Variants in ARHGAP44 observed in about 807,000 individuals in gnomAD.
The protein encoded by ARHGAP44 is rho GTPase-activating protein 44.
Under a neutral mutation model 106.8 loss-of-function variants are expected in ARHGAP44, and 43 were observed. The ratio of observed to expected loss-of-function variants is 0.40; its 90% CI spans 0.32 to 0.52. The LOEUF (loss-of-function observed/expected upper bound fraction) is 0.52, where lower values mean the gene tolerates loss of function less well. Ranked by LOEUF, ARHGAP44 falls within the 20% of genes least tolerant of loss-of-function variation. The pLI, the probability that ARHGAP44 is intolerant of heterozygous loss-of-function variation, is 0.48. For synonymous variants in ARHGAP44, 439 were observed against 410.3 expected (o/e 1.07, Z -0.85); for missense variants, 866 against 1,050.5 (o/e 0.82, Z 2.43).
intron 17 of ARHGAP44, 23 bp from the exon 18 acceptor site, chr17:12,974,065 CG>C: frequency 6.5e-7 from 1 of 1,550,278 alleles, no homozygotes; most frequent in Non-Finnish European, 8.7e-7. Context: ...CGTGGGTAAG[CG>C]GTGTCTTTGT....
At chr17:12,837,776 C>T (rs1312874823) in intron 1 of ARHGAP44, among the ~76,000 whole-genome samples, 3 of 151,904 alleles carry the variant, frequency 2.0e-5, no homozygotes, top group Non-Finnish European at 2.9e-5. Context: ...GGGTAAATAA[C>T]GTTATTATAC....
intron 16 of ARHGAP44, among the ~76,000 whole-genome samples, chr17:12,961,095 C>G (rs1225220271): frequency 6.6e-6 from 1 of 152,134 alleles, no homozygotes. Context: ...AAGTGTGCCC[C>G]TCCATCCCTC....
At chr17:12,898,421 T>C (rs762905512) in intron 3 of ARHGAP44, among the ~76,000 whole-genome samples, 3 of 152,204 alleles carry the variant, frequency 2.0e-5, no homozygotes, top group Non-Finnish European at 2.9e-5. Flanking sequence ...GGGCCCAAGA[T>C]GTTGTCAGAG....
chr17:12,864,291 T>C (rs1447257934), intron 1 of ARHGAP44, among the ~76,000 whole-genome samples: 1 of 152,180 alleles, frequency 6.6e-6, no homozygotes, highest in Non-Finnish European at 1.5e-5. Context: ...TGATTTTTCT[T>C]TTCTTGTCTT....
At chr17:12,827,229 G>A (rs2034947073) in intron 1 of ARHGAP44, among the ~76,000 whole-genome samples, 1 of 151,722 alleles carries the variant, frequency 6.6e-6, no homozygotes, top group South Asian at 2.1e-4. Context: ...TGTTGTTTTG[G>A]TTATTTTAAT....
intron 1 of ARHGAP44, among the ~76,000 whole-genome samples, chr17:12,822,623 C>G (rs2034803858): frequency 2.0e-5 from 3 of 152,176 alleles, no homozygotes; most frequent in South Asian, 4.1e-4. Context: ...AGAATTGTTT[C>G]ATCACTTTAG....
At chr17:12,835,237 A>G (rs1352832588) in intron 1 of ARHGAP44, among the ~76,000 whole-genome samples, 1 of 152,190 alleles carries the variant, frequency 6.6e-6, no homozygotes, top group Non-Finnish European at 1.5e-5. Context: ...GTTAGTGTGA[A>G]TTTTAATTGA....
chr17:12,938,940 AGATGTTGAAGGTGTATTT>A (rs142569773), intron 7 of ARHGAP44, among the ~76,000 whole-genome samples: 1 of 152,280 alleles, frequency 6.6e-6, no homozygotes, highest in African/African-American at 2.4e-5. Context: ...ACAGATGCCG[AGATGTTGAAGGTGTATTT>A]GATGCAACGT....
chr17:12,861,708 C>T (rs1250054378), intron 1 of ARHGAP44, among the ~76,000 whole-genome samples: 1 of 132,248 alleles, frequency 7.6e-6, no homozygotes, highest in Non-Finnish European at 1.6e-5. Context: ...AATCTCGGCT[C>T]ACTGCAACCT....
chr17:12,982,305 A>T (rs1313530648), intron 19 of ARHGAP44, among the ~76,000 whole-genome samples: 1 of 133,078 alleles, frequency 7.5e-6, no homozygotes, highest in African/African-American at 2.8e-5. Flanking sequence ...CACACTTAGC[A>T]GGTCTTTTTT....
In ARHGAP44 at chr17:12,978,035, T is replaced by TAAAAAAAAAAAAAAAAAAAAAAAAAAAA. The variant is rs757585682; in HGVS notation, c.1764-2023_1764-2022insAAAAAAAAAAAAAAAAAAAAAAAAAAAA. Among the ~76,000 whole-genome samples the TAAAAAAAAAAAAAAAAAAAAAAAAAAAA allele has an allele frequency of 3.9e-3, 215 of 55,482 alleles. 46 individuals are homozygous for TAAAAAAAAAAAAAAAAAAAAAAAAAAAA. Among genetic ancestry groups the TAAAAAAAAAAAAAAAAAAAAAAAAAAAA allele is most frequent in the African/African-American group, 8.7e-3 (93 of 10,702 alleles). The allele number at this position is 55,482 out of a possible 152,430, so 36.4% of individuals were successfully genotyped here. On this transcript the variant is annotated intron_variant, in intron 18 of 20. Transcript: ENST00000379672. ...CTGGGCAACAGAGCAAGACTCCATC[T>TAAAAAAAAAAAAAAAAAAAAAAAAAAAA]CAAAAAAAAAAAAAAAAAAAAGTGT...
At chr17:12,802,951 A>T (rs1254314618) in intron 1 of ARHGAP44, among the ~76,000 whole-genome samples, 6 of 19,850 alleles carry the variant, frequency 3.0e-4, no homozygotes, top group African/African-American at 2.5e-3. Flanking sequence ...ATATATATAT[A>T]TATATATATA....
intron 6 of ARHGAP44, among the ~76,000 whole-genome samples, chr17:12,922,024 G>A (rs936243229): frequency 1.3e-5 from 2 of 152,066 alleles, no homozygotes; most frequent in Admixed American, 1.3e-4. Flanking sequence ...CATCTGTGTC[G>A]ATACATCTTT....
chr17:12,982,066 C>T (rs1051898942), intron 19 of ARHGAP44, among the ~76,000 whole-genome samples: 3 of 152,090 alleles, frequency 2.0e-5, no homozygotes, highest in African/African-American at 7.2e-5. Context: ...GGGGTGATGG[C>T]TAAGTCATTG....
At position 12,857,820 on chromosome 17, in the gene ARHGAP44, C is replaced by A. The variant is rs182613802; in HGVS notation, c.54-37120C>A. On this transcript the variant is annotated intron_variant, in intron 1 of 20. Coordinates refer to ENST00000379672, the MANE Select transcript of ARHGAP44 (RefSeq NM_014859.6). Reference sequence around the variant, plus strand: ...TATTTATTTATTTATTTATATCCTGCCCCATTCCAAAGGGGACTTGCAGAT... The same window carrying A: ...TATTTATTTATTTATTTATATCCTGACCCATTCCAAAGGGGACTTGCAGAT... 3.9e-3 allele frequency among the ~76,000 whole-genome samples: 594 copies of A among 151,528 alleles called. 19 individuals carry two copies. The highest frequency in any genetic ancestry group is 0.037 in the Admixed American group (568 of 15,204).
intron 1 of ARHGAP44, among the ~76,000 whole-genome samples, chr17:12,865,799 A>G (rs2036224395): frequency 6.6e-6 from 1 of 151,838 alleles, no homozygotes; most frequent in African/African-American, 2.4e-5. Context: ...AGAAAAAAAA[A>G]AAAAAAAGGA....
chr17:12,849,173 T>C (rs2035662379), intron 1 of ARHGAP44, among the ~76,000 whole-genome samples: 1 of 152,026 alleles, frequency 6.6e-6, no homozygotes, highest in Non-Finnish European at 1.5e-5. Context: ...GAATGAGTTT[T>C]TTCTAGGGTC....
chr17:12,934,493 G>A (rs928948989), intron 7 of ARHGAP44, among the ~76,000 whole-genome samples: 2 of 152,190 alleles, frequency 1.3e-5, no homozygotes, highest in East Asian at 3.9e-4. Context: ...GGAAGGCTGT[G>A]GAATGGTTGG....
At chr17:12,856,990 T>C (rs923648194) in intron 1 of ARHGAP44, among the ~76,000 whole-genome samples, 6 of 152,208 alleles carry the variant, frequency 3.9e-5, no homozygotes, top group East Asian at 1.9e-4. Flanking sequence ...ATGAACATAC[T>C]TTTTTCAAGC....
Sources: allele counts gnomAD v4.1 joint callset (sites outside exome capture counted in the v4.1 genomes callset), GRCh38; gene constraint gnomAD v4.1.1; transcripts MANE v1.5; gene names NCBI Gene and HGNC (gene_info 2026-07-23, HGNC 2026-07-21).